The following CERS3 variants were observed in gnomAD, a reference collection of about 807,000 sequenced individuals.
The protein encoded by CERS3 is LAG1 homolog, ceramide synthase 3.
Under a neutral mutation model 50.3 loss-of-function variants are expected in CERS3, and 33 were observed. The observed-to-expected ratio is 0.66, with a 90% CI of 0.50 to 0.88. CERS3 has a LOEUF of 0.88. Among genes scored for constraint, CERS3 ranks in the 40% least tolerant of loss-of-function variants. The pLI is 0.00. For missense variants in CERS3, 470 were observed against 460.3 expected (o/e 1.02, Z -0.19); for synonymous variants, 176 against 155.2 (o/e 1.13, Z -0.99).
In CERS3 at chr15:100,496,421, G is replaced by A. The variant is rs111445047; in HGVS notation, c.173+5256C>T. On this transcript the variant is annotated intron_variant, in intron 3 of 11. Transcript: ENST00000679737. ...AGCATTAAGCTTAATGAAAGAAGTC[G>A]AACACAAAAGACCATAATCTATATG... 2.8e-3 allele frequency among the ~76,000 whole-genome samples: 419 copies of A among 152,062 alleles called. 6 individuals carry two copies. Among genetic ancestry groups the A allele is most frequent in the African/African-American group, 9.5e-3 (395 of 41,494 alleles).
intron 4 of CERS3, among the ~76,000 whole-genome samples, chr15:100,486,164 T>C (rs1003072455): frequency 7.9e-5 from 12 of 152,202 alleles, no homozygotes; most frequent in Admixed American, 6.5e-4. Context: ...TGTGGATGAG[T>C]ATTGTGAGGG....
intron 9 of CERS3, among the ~76,000 whole-genome samples, chr15:100,470,332 C>CA (rs1277673773): frequency 6.6e-6 from 1 of 152,158 alleles, no homozygotes; most frequent in Non-Finnish European, 1.5e-5. Context: ...AGAGGCAACA[C>CA]ATTTACATTC....
intron 9 of CERS3, among the ~76,000 whole-genome samples, chr15:100,470,510 A>T (rs1240701561): frequency 6.6e-6 from 1 of 152,022 alleles, no homozygotes; most frequent in East Asian, 1.9e-4. Flanking sequence ...AGAAACGCCC[A>T]AATTCAGAGT....
At chr15:100,532,791 T>C (rs1596824667), upstream of CERS3, among the ~76,000 whole-genome samples, 1 of 152,136 alleles carries the variant, frequency 6.6e-6, no homozygotes, top group Non-Finnish European at 1.5e-5. Flanking sequence ...AAAGCTCCTG[T>C]TGGATAAAAT....
chr15:100,414,180 T>C (rs969216207), intron 11 of CERS3, among the ~76,000 whole-genome samples: 3 of 152,142 alleles, frequency 2.0e-5, no homozygotes, highest in East Asian at 1.9e-4. Flanking sequence ...TCATTCACAA[T>C]TGCTACAAAG....
At chr15:100,523,102 C>T (rs77047328) in intron 1 of CERS3, among the ~76,000 whole-genome samples, 3,772 of 152,318 alleles carry the variant, frequency 0.025, 112 homozygotes, top group Admixed American at 0.09. Context: ...TGTTTCAAGT[C>T]TCTTGGCTGT....
chr15:100,416,935 A>G (rs941056057), intron 11 of CERS3, among the ~76,000 whole-genome samples: 17 of 152,254 alleles, frequency 1.1e-4, no homozygotes, highest in African/African-American at 4.1e-4. Context: ...ATATTTCTCA[A>G]AAGAAAACGT....
intron 11 of CERS3, among the ~76,000 whole-genome samples, chr15:100,452,164 T>C (rs2142186488): frequency 6.6e-6 from 1 of 151,538 alleles, no homozygotes; most frequent in East Asian, 1.9e-4. Flanking sequence ...CCAATGGCTA[T>C]AGAATACACA....
At chr15:100,467,591 T>C (rs1483728108) in intron 10 of CERS3, among the ~76,000 whole-genome samples, 2 of 151,926 alleles carry the variant, frequency 1.3e-5, no homozygotes, top group Non-Finnish European at 2.9e-5. Context: ...GATGCTGTGT[T>C]ATACAGCAAC....
At chr15:100,484,718 T>C (rs2035437158) in intron 4 of CERS3, 50 bp from the exon 5 acceptor site, 5 of 1,327,932 alleles carry the variant, frequency 3.8e-6, no homozygotes, top group Non-Finnish European at 5.4e-6. Context: ...AGAGTCAGAC[T>C]GGCAGGCAGA....
intron 4 of CERS3, among the ~76,000 whole-genome samples, chr15:100,488,625 A>G (rs924484033): frequency 6.6e-6 from 1 of 152,146 alleles, no homozygotes; most frequent in Admixed American, 6.5e-5. Context: ...CTTTTAGGCT[A>G]TGGACATTTT....
intron 11 of CERS3, among the ~76,000 whole-genome samples, chr15:100,432,051 C>A (rs2033162509): frequency 7.5e-6 from 1 of 132,980 alleles, no homozygotes; most frequent in Non-Finnish European, 1.6e-5. Context: ...CTCCTGAGTT[C>A]CTTTAATAGG....
chr15:100,448,576 C>T lies in CERS3; in HGVS notation c.999+7317G>A, dbSNP rs78712353. 8.8e-4 allele frequency among the ~76,000 whole-genome samples: 134 copies of T among 152,328 alleles called. 2 individuals are homozygous for T. Among genetic ancestry groups the T allele is most frequent in the Non-Finnish European group, 1.4e-3 (96 of 68,022 alleles). ...GCTCATACGAGGTCCCACATACCCC[C>T]TGAGTCCTAAGCAGCTACAGCACAG... On this transcript the variant is annotated intron_variant, in intron 11 of 11. Coordinates refer to ENST00000679737, the MANE Select transcript of CERS3 (RefSeq NM_001378789.1).
At chr15:100,443,832 G>C (rs868283259) in intron 11 of CERS3, among the ~76,000 whole-genome samples, 1 of 152,084 alleles carries the variant, frequency 6.6e-6, no homozygotes, top group African/African-American at 2.4e-5. Context: ...TCCTAGGCAC[G>C]GTTAGATACT....
chr15:100,513,322 A>G (rs1414594611), intron 2 of CERS3, among the ~76,000 whole-genome samples: 1 of 152,132 alleles, frequency 6.6e-6, no homozygotes, highest in Non-Finnish European at 1.5e-5. Context: ...CTTTTTCTCC[A>G]AAATGAGTCC....
intron 11 of CERS3, among the ~76,000 whole-genome samples, chr15:100,420,244 G>C (rs1827430529): frequency 7.0e-6 from 1 of 143,770 alleles, no homozygotes; most frequent in Non-Finnish European, 1.5e-5. Context: ...AATGATAAAG[G>C]GGATATCACC....
At chr15:100,440,192 A>G (rs1414303831) in intron 11 of CERS3, among the ~76,000 whole-genome samples, 1 of 152,148 alleles carries the variant, frequency 6.6e-6, no homozygotes. Flanking sequence ...TGTCTAACTG[A>G]TCCAGTTCTT....
chr15:100,441,429 A>G (rs1017895930), intron 11 of CERS3, among the ~76,000 whole-genome samples: 24 of 137,212 alleles, frequency 1.7e-4, no homozygotes, highest in African/African-American at 5.6e-4. Context: ...CCTTACTTCC[A>G]CGCCCCAACC....
At chr15:100,447,039 G>GT (rs2033969255) in intron 11 of CERS3, among the ~76,000 whole-genome samples, 1 of 152,190 alleles carries the variant, frequency 6.6e-6, no homozygotes, top group African/African-American at 2.4e-5. Context: ...CTTTGATATA[G>GT]TTTGAAATGG....
Sources: allele counts gnomAD v4.1 joint callset (sites outside exome capture counted in the v4.1 genomes callset), GRCh38; gene constraint gnomAD v4.1.1; transcripts MANE v1.5; gene names NCBI Gene and HGNC (gene_info 2026-07-23, HGNC 2026-07-21).